SCARA5: variants seen among roughly 807,000 people sequenced by gnomAD.
SCARA5 encodes scavenger receptor class A, member 5 (putative).
A neutral mutation model predicts 46.3 loss-of-function variants in SCARA5; 45 were observed. The observed-to-expected ratio is 0.97, with a 90% CI of 0.76 to 1.24. The LOEUF is 1.24. Among genes scored for constraint, SCARA5 ranks in the 50% most tolerant of loss-of-function variants. The pLI, the probability that SCARA5 is intolerant of heterozygous loss-of-function variation, is 0.00. For missense variants in SCARA5, 680 were observed against 689.0 expected (o/e 0.99, Z 0.15); for synonymous variants, 333 against 306.5 (o/e 1.09, Z -0.90).
chr8:27,928,287 T>C (rs1471999633), intron 3 of SCARA5, among the ~76,000 whole-genome samples: 1 of 152,236 alleles, frequency 6.6e-6, no homozygotes, highest in East Asian at 1.9e-4. Context: ...CCTGGCCTAC[T>C]TTAAATGTGT....
intron 3 of SCARA5, among the ~76,000 whole-genome samples, chr8:27,953,792 T>C (rs1234508642): frequency 6.6e-6 from 1 of 152,050 alleles, no homozygotes; most frequent in Non-Finnish European, 1.5e-5. Context: ...AGAAAAACAT[T>C]GTATGGGAAA....
At chr8:27,921,363 G>A (rs1216267423) in intron 4 of SCARA5, among the ~76,000 whole-genome samples, 1 of 152,206 alleles carries the variant, frequency 6.6e-6, no homozygotes, top group Non-Finnish European at 1.5e-5. Flanking sequence ...AGAGACCTGT[G>A]CAAGCCCTGG....
Position 27,921,608 on chromosome 8 carries a change from C to A in SCARA5, c.879G>T (p.Glu293Asp), listed in dbSNP as rs777712688. Residue 293 changes from glutamate to aspartate, a missense_variant, in exon 4 of 9, where the codon GAG becomes GAT. Glu to Asp is a conservative substitution (Grantham distance 45). This residue lies in a region of SCARA5 where 438 missense variants were observed against 384.5 expected (regional missense o/e 1.14). Coordinates refer to ENST00000354914, the MANE Select transcript of SCARA5 (RefSeq NM_173833.6). ...AGATGTTCCGCAGTGCGATGGAGTG[C>A]TCCCAGTCCTTGAGGCGCAGGTCCT... ...VTEDLRLKDW[E>D]HSIALRNISL... 12 of 1,589,686 alleles carry A rather than the reference C, an allele frequency of 7.5e-6. No homozygotes were observed. Among genetic ancestry groups the A allele is most frequent in the South Asian group, 6.9e-5 (6 of 87,480 alleles).
At chr8:27,963,642 C>T (rs1478575178) in intron 3 of SCARA5, among the ~76,000 whole-genome samples, 2 of 152,160 alleles carry the variant, frequency 1.3e-5, no homozygotes, top group African/African-American at 2.4e-5. Flanking sequence ...AACAGGTAAA[C>T]TTGGATAATG....
At chr8:27,908,256 T>G (rs911478864) in intron 5 of SCARA5, among the ~76,000 whole-genome samples, 2 of 152,184 alleles carry the variant, frequency 1.3e-5, no homozygotes, top group African/African-American at 4.8e-5. Flanking sequence ...CAAAAGGGAT[T>G]GGAGGCGAGG....
intron 3 of SCARA5, among the ~76,000 whole-genome samples, chr8:27,960,116 C>T (rs547856500): frequency 6.6e-6 from 1 of 151,846 alleles, no homozygotes; most frequent in South Asian, 2.1e-4. Context: ...TAATCCTTTG[C>T]TATTCTGAAA....
chr8:27,917,086 T>C (rs1807474722), intron 4 of SCARA5, among the ~76,000 whole-genome samples: 1 of 152,216 alleles, frequency 6.6e-6, no homozygotes, highest in South Asian at 2.1e-4. Flanking sequence ...CCCTGGATTT[T>C]GGACTGCCCA....
At chr8:27,969,193 G>A (rs1180269136) in intron 2 of SCARA5, among the ~76,000 whole-genome samples, 1 of 152,126 alleles carries the variant, frequency 6.6e-6, no homozygotes, top group Non-Finnish European at 1.5e-5. Flanking sequence ...CCAAGTGGCA[G>A]AAGCATGTTA....
chr8:27,887,894 C>T (rs1806922599), intron 7 of SCARA5, among the ~76,000 whole-genome samples: 1 of 152,242 alleles, frequency 6.6e-6, no homozygotes, highest in Non-Finnish European at 1.5e-5. Flanking sequence ...AAGTTAGAGT[C>T]AACCTCTGAT....
intron 7 of SCARA5, among the ~76,000 whole-genome samples, chr8:27,891,844 T>C (rs1806988918): frequency 6.6e-6 from 1 of 152,242 alleles, no homozygotes; most frequent in South Asian, 2.1e-4. Context: ...GGCATTCAGT[T>C]CATGCTGGAC....
intron 1 of SCARA5, among the ~76,000 whole-genome samples, chr8:27,990,652 C>G (rs1808774756): frequency 6.6e-6 from 1 of 152,160 alleles, no homozygotes; most frequent in Non-Finnish European, 1.5e-5. Flanking sequence ...GCATGTCAGC[C>G]CCTTTGGTGA....
rs866189151 is a variant in SCARA5 at position 27,914,841 on chromosome 8, G to A, written c.917-5098C>T. Among the ~76,000 whole-genome samples, 148 of 152,292 alleles carry A rather than the reference G, an allele frequency of 9.7e-4. 1 individual carries two copies. The highest frequency in any genetic ancestry group is 3.3e-3 in the African/African-American group (137 of 41,556). The stretch of plus-strand genomic sequence containing the variant: ...ACCAGAAGCATCTTCCCAGTGGGAC[G>A]AAGGGTCTGGGACCAGGCATTCAGG... On this transcript the variant is annotated intron_variant, in intron 4 of 8. Coordinates refer to ENST00000354914, the MANE Select transcript of SCARA5 (RefSeq NM_173833.6).
intron 4 of SCARA5, among the ~76,000 whole-genome samples, chr8:27,918,287 A>G (rs918245915): frequency 6.6e-6 from 1 of 152,194 alleles, no homozygotes; most frequent in Non-Finnish European, 1.5e-5. Flanking sequence ...CCTGCCCTCT[A>G]CAACATCTGC....
intron 3 of SCARA5, among the ~76,000 whole-genome samples, chr8:27,925,469 C>A (rs1807666023): frequency 6.6e-6 from 1 of 152,150 alleles, no homozygotes; most frequent in Non-Finnish European, 1.5e-5. Flanking sequence ...CTTCCTTACA[C>A]CTTATACAAA....
chr8:27,907,200 G>C lies in SCARA5; in HGVS notation c.1044C>G (p.Gly348=), dbSNP rs149549297. ...RGTPGLPGPK[G]DDGKLGATGP... ...CTGTGGCCCCCAGCTTCCCATCATC[G>C]CCCTTGGGCCCGGGCAATCCTGGGG... Residue 348 remains glycine, a synonymous_variant, in exon 6 of 9, where the codon GGC becomes GGG. Transcript: ENST00000354914. The C allele has an allele frequency of 1.9e-6, 3 of 1,613,552 alleles. No individual in the cohort carries two copies. The highest frequency in any genetic ancestry group is 2.5e-6 in the Non-Finnish European group (3 of 1,179,774).
intron 7 of SCARA5, among the ~76,000 whole-genome samples, chr8:27,893,867 C>T (rs1807022429): frequency 6.6e-6 from 1 of 152,238 alleles, no homozygotes; most frequent in African/African-American, 2.4e-5. Flanking sequence ...GGTTTTATTA[C>T]TCCGCCCCCA....
At chr8:27,897,961 G>A (rs894622543) in intron 7 of SCARA5, among the ~76,000 whole-genome samples, 3 of 152,202 alleles carry the variant, frequency 2.0e-5, no homozygotes, top group African/African-American at 7.2e-5. Flanking sequence ...TCCCAAGAGG[G>A]GCTTCATTTC....
At chr8:27,903,003 G>A (rs1807184102) in intron 7 of SCARA5, among the ~76,000 whole-genome samples, 1 of 152,212 alleles carries the variant, frequency 6.6e-6, no homozygotes, top group Admixed American at 6.5e-5. Context: ...CAAGGACAAG[G>A]TGCTGTCACC....
chr8:27,895,291 C>T (rs547794959), intron 7 of SCARA5, among the ~76,000 whole-genome samples: 3 of 152,174 alleles, frequency 2.0e-5, no homozygotes, highest in Non-Finnish European at 4.4e-5. Flanking sequence ...CCCCGTGCCC[C>T]CAGCCGGCCT....
Sources: gnomAD v4.1 joint callset for allele counts (sites outside exome capture counted in the v4.1 genomes callset) on GRCh38, gnomAD v4.1.1 for gene constraint, gnomAD v4.1.1 regional missense constraint, MANE v1.5 for transcripts, NCBI Gene and HGNC (gene_info 2026-07-23, HGNC 2026-07-21) for gene names.